ADCY3: variants seen among roughly 807,000 people sequenced by gnomAD.
ADCY3 encodes the protein adenylate cyclase type 3.
A neutral mutation model predicts 119.4 loss-of-function variants in ADCY3; 70 were observed. The observed-to-expected ratio is 0.59, with a 90% confidence interval of 0.48 to 0.72. The LOEUF (loss-of-function observed/expected upper bound fraction) is 0.72. Among genes scored for constraint, ADCY3 ranks in the 30% least tolerant of loss-of-function variants. ADCY3 has a pLI of 0.00. For synonymous variants in ADCY3, 672 were observed against 621.4 expected (o/e 1.08, Z -1.21); for missense variants, 1,238 against 1,541.6 (o/e 0.80, Z 3.30).
intron 3 of ADCY3, among the ~76,000 whole-genome samples, chr2:24,866,856 A>C (rs894458653): frequency 6.6e-6 from 1 of 152,204 alleles, no homozygotes; most frequent in Admixed American, 6.5e-5. Flanking sequence ...CAGGATTAGT[A>C]AACTGTAGAT....
intron 2 of ADCY3, among the ~76,000 whole-genome samples, chr2:24,905,868 G>GT (rs1186583199): frequency 6.6e-6 from 1 of 152,224 alleles, no homozygotes; most frequent in Non-Finnish European, 1.5e-5. Flanking sequence ...CAGTTGGTAA[G>GT]TGGGGGAGCT....
At chr2:24,844,219 A>G (rs1159405024) in intron 3 of ADCY3, among the ~76,000 whole-genome samples, 1 of 152,076 alleles carries the variant, frequency 6.6e-6, no homozygotes, top group Admixed American at 6.5e-5. Flanking sequence ...CCGTGTCGCC[A>G]TGGGGTCGGC....
At chr2:24,881,389 C>T (rs1323269584) in intron 2 of ADCY3, among the ~76,000 whole-genome samples, 7 of 152,150 alleles carry the variant, frequency 4.6e-5, no homozygotes, top group Admixed American at 3.9e-4. Context: ...ACAGGTCTCT[C>T]GGAAGCAGTG....
At chr2:24,876,955 C>A (rs1410063527) in intron 2 of ADCY3, among the ~76,000 whole-genome samples, 1 of 152,180 alleles carries the variant, frequency 6.6e-6, no homozygotes, top group Non-Finnish European at 1.5e-5. Context: ...CTTCTCCCTC[C>A]AGGGTGGCCC....
chr2:24,821,452 T>C, intron 20 of ADCY3, 65 bp downstream of exon 20: 1 of 1,590,746 alleles, frequency 6.3e-7, no homozygotes, highest in East Asian at 2.2e-5. Flanking sequence ...TCTCTCCTGG[T>C]GGTGGGCCAG....
At chr2:24,820,309 T>G in intron 21 of ADCY3, 195 bp from the exon 22 acceptor site, 1 of 1,302,810 alleles carries the variant, frequency 7.7e-7, no homozygotes, top group East Asian at 3.0e-5. Context: ...CTGGAGTGAC[T>G]GGCTGGGGGC....
In ADCY3 at chr2:24,887,543, G is replaced by A. The variant is rs115605854; in HGVS notation, c.676-14824C>T. Among the ~76,000 whole-genome samples, 728 of 152,176 alleles carry A rather than the reference G, an allele frequency of 4.8e-3. 1 individual carries two copies. Among genetic ancestry groups the A allele is most frequent in the Non-Finnish European group, 7.7e-3 (522 of 67,994 alleles). On this transcript the variant is annotated intron_variant, in intron 2 of 21. Transcript: ENST00000679454. ...GAGGGGTTCACCGGCATCATGCAGCGATAGCCGTGATGGCTCCTGAGGGTG... is the reference window on the plus strand; with the variant it reads ...GAGGGGTTCACCGGCATCATGCAGCAATAGCCGTGATGGCTCCTGAGGGTG...
At chr2:24,892,563 G>C (rs7608185) in intron 2 of ADCY3, among the ~76,000 whole-genome samples, 71,132 of 152,062 alleles carry the variant, frequency 0.47, 19,630 homozygotes, top group African/African-American at 0.78. Context: ...AGTGTATTGA[G>C]TCTTGTTTTG....
At chr2:24,913,612 A>G (rs934511769) in intron 2 of ADCY3, among the ~76,000 whole-genome samples, 1 of 152,166 alleles carries the variant, frequency 6.6e-6, no homozygotes, top group South Asian at 2.1e-4. Flanking sequence ...AGTAACATCC[A>G]GGATTAAATG....
chr2:24,820,610 TCTGGACTTA>T, intron 21 of ADCY3, 105 bp downstream of exon 21: 1 of 1,534,674 alleles, frequency 6.5e-7, no homozygotes, highest in Non-Finnish European at 8.8e-7. Context: ...CGTCTCTGCC[TCTGGACTTA>T]CTGTTCAGGG....
intron 14 of ADCY3, 140 bp from the exon 15 acceptor site, chr2:24,827,748 C>A (rs551713709): frequency 7.1e-7 from 1 of 1,408,262 alleles, no homozygotes; most frequent in African/African-American, 1.4e-5. Flanking sequence ...AACAGTGATA[C>A]GTCTGTGAGC....
chr2:24,908,899 C>T (rs1457747349), intron 2 of ADCY3, among the ~76,000 whole-genome samples: 3 of 151,498 alleles, frequency 2.0e-5, no homozygotes, highest in East Asian at 1.9e-4. Flanking sequence ...AGGGCCCCCC[C>T]GACACACATT....
At chr2:24,883,455 C>G (rs964112071) in intron 2 of ADCY3, among the ~76,000 whole-genome samples, 12 of 152,192 alleles carry the variant, frequency 7.9e-5, no homozygotes, top group African/African-American at 2.9e-4. Context: ...AAAGCTTGGG[C>G]TGGCCACACT....
intron 18 of ADCY3, 39 bp from the exon 19 acceptor site, chr2:24,822,669 G>A (rs773596441): frequency 6.2e-7 from 1 of 1,608,192 alleles, no homozygotes; most frequent in East Asian, 2.2e-5. Flanking sequence ...CAGCAGTCAA[G>A]GGAGAGGAAT....
chr2:24,917,388 T>C (rs923671084), intron 2 of ADCY3, among the ~76,000 whole-genome samples: 4 of 152,186 alleles, frequency 2.6e-5, no homozygotes, highest in Admixed American at 6.5e-5. Flanking sequence ...TTGACCATCA[T>C]TGGCACGAGG....
At position 24,834,783 on chromosome 2, in the gene ADCY3, G is replaced by C. The variant is rs772431484; in HGVS notation, c.1805+11C>G. On this transcript the variant is annotated intron_variant, in intron 10 of 21. Coordinates refer to ENST00000679454, the MANE Select transcript of ADCY3 (RefSeq NM_004036.5). This position sits in a 1 kb window ranked among gnomAD's most constrained non-coding sequence, Gnocchi z 4.2. ...GAGTGGTGGGCCTGGACGCTTCCGG[G>C]TGGCGCTTACACTTGGGCGGACTCT... 2 of 1,611,294 alleles carry C rather than the reference G, an allele frequency of 1.2e-6. No individual in the cohort carries two copies. The highest frequency in any genetic ancestry group is 3.3e-5 in the Admixed American group (2 of 59,974).
At chr2:24,824,288 G>A (rs1229518001) in intron 17 of ADCY3, 90 bp downstream of exon 17, 3 of 1,512,646 alleles carry the variant, frequency 2.0e-6, no homozygotes, top group Non-Finnish European at 2.7e-6. Flanking sequence ...CTGTCCCTGA[G>A]AAGGCCTGGG....
At chr2:24,912,930 T>C (rs999934367) in intron 2 of ADCY3, among the ~76,000 whole-genome samples, 1 of 152,188 alleles carries the variant, frequency 6.6e-6, no homozygotes. Context: ...GTTGTTTACA[T>C]GTTCAATGAC....
Position 24,837,062 on chromosome 2 carries a change from C to T in ADCY3, c.1534-17G>A, listed in dbSNP as rs1389922356. 1.2e-6 allele frequency: 2 copies of T among 1,612,992 alleles called. No homozygotes were observed. The highest frequency in any genetic ancestry group is 1.1e-5 in the South Asian group (1 of 90,874). On this transcript the variant is annotated splice_polypyrimidine_tract_variant and intron_variant, in intron 8 of 21. Coordinates refer to ENST00000679454, the MANE Select transcript of ADCY3 (RefSeq NM_004036.5). ...GGGCAGGGCCTAGAGGAAAGGAGAGCTCAGCCATGATCTGGGCATGGGATG... is the reference window on the plus strand; with the variant it reads ...GGGCAGGGCCTAGAGGAAAGGAGAGTTCAGCCATGATCTGGGCATGGGATG...
Sources: gnomAD v4.1 joint callset for allele counts (sites outside exome capture counted in the v4.1 genomes callset) on GRCh38, gnomAD v4.1.1 for gene constraint, Gnocchi (gnomAD v3.1) non-coding constraint, MANE v1.5 for transcripts, NCBI Gene and HGNC (gene_info 2026-07-23, HGNC 2026-07-21) for gene names.